The following MYO18B variants were observed in gnomAD, a reference collection of about 807,000 sequenced individuals.
MYO18B encodes unconventional myosin-XVIIIb.
In MYO18B, 204 loss-of-function variants were observed where a neutral mutation model predicts 273.0. The observed-to-expected ratio is 0.75, with a 90% CI of 0.67 to 0.84. The LOEUF (loss-of-function observed/expected upper bound fraction) is 0.84. Among genes scored for constraint, MYO18B ranks in the 40% least tolerant of loss-of-function variants. MYO18B has a pLI of 0.00. For missense variants in MYO18B, 3,212 were observed against 3,287.6 expected, an observed-to-expected ratio of 0.98 and a Z score of 0.56; for synonymous variants, 1,330 against 1,305.7, an observed-to-expected ratio of 1.02 and a Z score of -0.40.
At chr22:26,059,583 G>A in the MYO18B span, among the ~76,000 whole-genome samples, 1 of 152,188 alleles carries the variant, frequency 6.6e-6, no homozygotes, top group African/African-American at 2.4e-5. Context: ...CTGAGTTTGG[G>A]AAAGAGGACG....
At chr22:25,986,213 C>T (rs919231851) in intron 39 of MYO18B, among the ~76,000 whole-genome samples, 1 of 152,212 alleles carries the variant, frequency 6.6e-6, no homozygotes, top group Non-Finnish European at 1.5e-5. Context: ...CCTCAGCCTG[C>T]TCATCTGTAA....
intron 13 of MYO18B, among the ~76,000 whole-genome samples, chr22:25,824,594 G>A (rs987903569): frequency 6.6e-6 from 1 of 152,082 alleles, no homozygotes; most frequent in Non-Finnish European, 1.5e-5. Flanking sequence ...TAGGAGTGTT[G>A]TGAGCTGTGA....
chr22:25,902,584 G>A, intron 29 of MYO18B, 29 bp from the exon 30 acceptor site: 1 of 1,597,016 alleles, frequency 6.3e-7, no homozygotes. Flanking sequence ...CTGCCTACGG[G>A]GCCCTGACAC....
At chr22:25,970,873 G>A (rs538524230) in intron 39 of MYO18B, among the ~76,000 whole-genome samples, 4 of 152,196 alleles carry the variant, frequency 2.6e-5, no homozygotes, top group South Asian at 2.1e-4. Context: ...TAATTGCTTG[G>A]TGGGTGGGGA....
chr22:25,783,609 G>GA (rs1164617337), intron 10 of MYO18B, among the ~76,000 whole-genome samples: 1 of 152,216 alleles, frequency 6.6e-6, no homozygotes, highest in African/African-American at 2.4e-5. Context: ...GCCTCCTGGA[G>GA]AGGGGGATTT....
intron 35 of MYO18B, among the ~76,000 whole-genome samples, chr22:25,947,496 A>G (rs2092726653): frequency 8.8e-6 from 1 of 113,208 alleles, no homozygotes; most frequent in Admixed American, 8.0e-5. Context: ...ATACACACAC[A>G]CACACACACA....
chr22:25,930,113 C>A (rs189316634), intron 34 of MYO18B, among the ~76,000 whole-genome samples: 1 of 152,124 alleles, frequency 6.6e-6, no homozygotes, highest in Non-Finnish European at 1.5e-5. Context: ...TTGCTTCTTT[C>A]ACTGATCCCT....
rs1414087173 is a variant in MYO18B at position 25,847,659 on chromosome 22, G to C, written c.3775+7G>C. 2.6e-6 allele frequency: 4 copies of C among 1,546,138 alleles called. No homozygotes were observed. The highest frequency in any genetic ancestry group is 2.6e-6 in the Non-Finnish European group (3 of 1,143,288). ...CTGCGTCTGCATAGGACAGGTAAGA[G>C]ACAGCTAGGACACAGCACCTTGTCT... On this transcript the variant is annotated splice_region_variant and intron_variant, in intron 20 of 43. Transcript: ENST00000335473.
intron 21 of MYO18B, among the ~76,000 whole-genome samples, chr22:25,855,916 G>A (rs1481578592): frequency 1.3e-5 from 2 of 151,750 alleles, no homozygotes; most frequent in African/African-American, 4.9e-5. Flanking sequence ...CAAGGGTTTG[G>A]TGTACAGATA....
the MYO18B span, among the ~76,000 whole-genome samples, chr22:26,061,723 G>C: frequency 6.7e-6 from 1 of 149,656 alleles, no homozygotes; most frequent in Non-Finnish European, 1.5e-5. Flanking sequence ...CTCTTTGCTT[G>C]TTTCCACAGT....
chr22:26,035,330 C>T (rs1453246264), downstream of MYO18B, among the ~76,000 whole-genome samples: 1 of 152,150 alleles, frequency 6.6e-6, no homozygotes, highest in African/African-American at 2.4e-5. Context: ...TTTGGAATTC[C>T]CCCAGATTGA....
chr22:25,772,600 A>G, intron 7 of MYO18B, 90 bp downstream of exon 7: 1 of 1,300,982 alleles, frequency 7.7e-7, no homozygotes, highest in Non-Finnish European at 1.0e-6. Context: ...CAGTAGAACC[A>G]TCAGAGCCCC....
At chr22:26,017,858 C>G (rs1935484737) in intron 42 of MYO18B, among the ~76,000 whole-genome samples, 1 of 151,930 alleles carries the variant, frequency 6.6e-6, no homozygotes, top group Non-Finnish European at 1.5e-5. Flanking sequence ...CCCATATATC[C>G]TTTTTCCCTG....
intron 39 of MYO18B, among the ~76,000 whole-genome samples, chr22:25,987,267 CAA>C (rs1253057296): frequency 6.6e-6 from 1 of 152,168 alleles, no homozygotes; most frequent in Non-Finnish European, 1.5e-5. Context: ...TTGAACATCA[CAA>C]GAGGAGATGA....
chr22:25,866,249 C>T (rs2090881933), intron 21 of MYO18B, among the ~76,000 whole-genome samples: 1 of 86,946 alleles, frequency 1.2e-5, no homozygotes, highest in Admixed American at 2.0e-4. Flanking sequence ...AGTGAAAGAC[C>T]AATGAGGGGG....
intron 39 of MYO18B, among the ~76,000 whole-genome samples, chr22:25,977,510 G>A (rs1258514901): frequency 6.6e-6 from 1 of 152,186 alleles, no homozygotes; most frequent in Non-Finnish European, 1.5e-5. Context: ...CTGACAGTGA[G>A]GAAGTGGGAC....
chr22:25,962,211 A>G (rs1287253115), intron 39 of MYO18B, among the ~76,000 whole-genome samples: 6 of 152,180 alleles, frequency 3.9e-5, no homozygotes, highest in African/African-American at 1.4e-4. Context: ...CTGCCTATGC[A>G]AATTTCAAAA....
intron 21 of MYO18B, among the ~76,000 whole-genome samples, chr22:25,861,885 T>G (rs1285163303): frequency 1.3e-5 from 2 of 152,184 alleles, no homozygotes; most frequent in African/African-American, 4.8e-5. Flanking sequence ...CCAATATAGC[T>G]CACGTCTTCC....
At chr22:25,874,169 C>T (rs1044013052) in intron 22 of MYO18B, 117 bp from the exon 23 acceptor site, 11 of 1,287,900 alleles carry the variant, frequency 8.5e-6, no homozygotes, top group Non-Finnish European at 1.1e-5. Flanking sequence ...TAAAGGGCAA[C>T]TGCCAACAAA....
Sources: allele counts gnomAD v4.1 joint callset (sites outside exome capture counted in the v4.1 genomes callset), GRCh38; gene constraint gnomAD v4.1.1; transcripts MANE v1.5; gene names NCBI Gene and HGNC (gene_info 2026-07-23, HGNC 2026-07-21).